WDHD1: variants seen among roughly 807,000 people sequenced by gnomAD.
The protein encoded by WDHD1 is WD repeat and HMG-box DNA binding protein 1.
A neutral mutation model predicts 135.4 loss-of-function variants in WDHD1; 111 were observed. The ratio of observed to expected loss-of-function variants is 0.82; its 90% confidence interval spans 0.70 to 0.96. The LOEUF (loss-of-function observed/expected upper bound fraction) is 0.96. Ranked by LOEUF, WDHD1 falls within the 40% of genes least tolerant of loss-of-function variation. WDHD1 has a pLI of 0.00. For missense variants in WDHD1, 1,351 were observed against 1,336.3 expected, an observed-to-expected ratio of 1.01 and a Z score of -0.17; for synonymous variants, 434 against 439.0, an observed-to-expected ratio of 0.99 and a Z score of 0.14.
At chr14:54,951,031 C>T (rs754045365) in intron 24 of WDHD1, among the ~76,000 whole-genome samples, 9 of 151,756 alleles carry the variant, frequency 5.9e-5, no homozygotes, top group Non-Finnish European at 1.2e-4. Flanking sequence ...ACTAAATGCC[C>T]ACAAGAGAAA....
In WDHD1 at chr14:54,967,374, G is replaced by T. The variant is rs1481699765; in HGVS notation, c.2084C>A (p.Ser695Tyr). The change falls in exon 17 of 26, where the codon TCT becomes TAT. Residue 695 changes from serine (S) to tyrosine (Y), a missense_variant. Transcript: ENST00000360586. Reference protein sequence around the residue: ...QQLRCIPCKGSRFPPTLPRPA... With the variant: ...QQLRCIPCKGYRFPPTLPRPA... ...GCGTGGAAGGGTTGGGGGAAACCGAGAACCTTTACAAGGAATGCACCTGTT... is the reference window on the plus strand; with the variant it reads ...GCGTGGAAGGGTTGGGGGAAACCGATAACCTTTACAAGGAATGCACCTGTT... 1.2e-6 allele frequency: 2 copies of T among 1,610,750 alleles called. No homozygotes were observed. The highest frequency in any genetic ancestry group is 1.7e-5 in the Admixed American group (1 of 59,594).
intron 2 of WDHD1, among the ~76,000 whole-genome samples, chr14:55,025,455 C>T (rs770381901): frequency 3.1e-4 from 47 of 152,266 alleles, no homozygotes; most frequent in Middle Eastern, 3.4e-3. Flanking sequence ...TCTCTCGTTC[C>T]ACCTTACGAG....
At chr14:55,001,673 G>A (rs1379036546) in intron 8 of WDHD1, among the ~76,000 whole-genome samples, 2 of 152,208 alleles carry the variant, frequency 1.3e-5, no homozygotes, top group Non-Finnish European at 2.9e-5. Context: ...ACTAGTAAGT[G>A]AAGTGAACTT....
intron 13 of WDHD1, among the ~76,000 whole-genome samples, chr14:54,988,185 T>C (rs1419702949): frequency 6.6e-6 from 1 of 152,128 alleles, no homozygotes; most frequent in African/African-American, 2.4e-5. Flanking sequence ...AAATATTAAG[T>C]AGAAAAAGCA....
At chr14:54,999,017 C>G (rs2041936847) in intron 10 of WDHD1, among the ~76,000 whole-genome samples, 1 of 152,110 alleles carries the variant, frequency 6.6e-6, no homozygotes, top group Non-Finnish European at 1.5e-5. Context: ...GATCACTGTT[C>G]CTTTCTTTTA....
chr14:54,960,878 C>T (rs2041240683), intron 21 of WDHD1, among the ~76,000 whole-genome samples: 1 of 152,324 alleles, frequency 6.6e-6, no homozygotes. Context: ...TAGCCTACTG[C>T]ACCCTCGAAC....
intron 25 of WDHD1, among the ~76,000 whole-genome samples, chr14:54,942,010 G>A (rs777198934): frequency 3.9e-5 from 6 of 152,034 alleles, no homozygotes; most frequent in Non-Finnish European, 8.8e-5. Flanking sequence ...CAGCACTTTG[G>A]GAGGCCGAGG....
At chr14:54,955,305 A>T (rs1407751413) in intron 24 of WDHD1, among the ~76,000 whole-genome samples, 1 of 152,124 alleles carries the variant, frequency 6.6e-6, no homozygotes, top group Non-Finnish European at 1.5e-5. Flanking sequence ...ACAAAAAATT[A>T]ATTACAAAAT....
chr14:55,004,719 C>T, intron 7 of WDHD1: 1 of 361,532 alleles, frequency 2.8e-6, no homozygotes, highest in Non-Finnish European at 5.4e-6. Flanking sequence ...TCCCAAAGTG[C>T]TGGGATTATG....
At chr14:54,953,563 GCGATT>G (rs1281628970) in intron 24 of WDHD1, among the ~76,000 whole-genome samples, 2 of 152,182 alleles carry the variant, frequency 1.3e-5, no homozygotes, top group African/African-American at 4.8e-5. Flanking sequence ...AGGCGGTGTG[GCGATT>G]CCTCAAGGAT....
chr14:55,001,439 T>G (rs1211616354), intron 8 of WDHD1, among the ~76,000 whole-genome samples: 3 of 152,104 alleles, frequency 2.0e-5, no homozygotes, highest in Non-Finnish European at 4.4e-5. Context: ...TTTTTAGTAT[T>G]TTTTGTAGAG....
At chr14:55,004,545 T>C (rs994812146) in intron 7 of WDHD1, among the ~76,000 whole-genome samples, 4 of 152,140 alleles carry the variant, frequency 2.6e-5, no homozygotes, top group Non-Finnish European at 5.9e-5. Flanking sequence ...CTCCGCCTCC[T>C]GGGTTCAAGC....
intron 10 of WDHD1, among the ~76,000 whole-genome samples, chr14:54,997,859 C>T (rs1054709230): frequency 5.5e-5 from 8 of 145,864 alleles, no homozygotes; most frequent in African/African-American, 1.8e-4. Context: ...TGCAGTGAGC[C>T]GAGATCGCGC....
intron 18 of WDHD1, among the ~76,000 whole-genome samples, chr14:54,965,004 T>C (rs1284015818): frequency 6.6e-6 from 1 of 152,254 alleles, no homozygotes; most frequent in South Asian, 2.1e-4. Flanking sequence ...CTTAAGGCCA[T>C]GTTGCATAAA....
intron 25 of WDHD1, among the ~76,000 whole-genome samples, chr14:54,942,394 T>C (rs1214590233): frequency 6.6e-6 from 1 of 152,190 alleles, no homozygotes; most frequent in Non-Finnish European, 1.5e-5. Flanking sequence ...GGTAACATTT[T>C]GCAAAACTAT....
chr14:54,974,414 C>G (rs745760010), intron 16 of WDHD1, among the ~76,000 whole-genome samples: 113 of 144,886 alleles, frequency 7.8e-4, no homozygotes, highest in Non-Finnish European at 9.0e-4. Flanking sequence ...GTCTGGGCAA[C>G]AGAGAGAGAT....
chr14:55,000,083 C>T (rs1035886573), intron 10 of WDHD1, among the ~76,000 whole-genome samples: 1 of 152,064 alleles, frequency 6.6e-6, no homozygotes, highest in African/African-American at 2.4e-5. Flanking sequence ...GTACATCTGC[C>T]AGGCAGGGTG....
chr14:54,995,286 G>C (rs1485730942), intron 11 of WDHD1, among the ~76,000 whole-genome samples: 2 of 152,064 alleles, frequency 1.3e-5, no homozygotes, highest in African/African-American at 2.4e-5. Context: ...CGGCCTTATT[G>C]ATCTTGTCAA....
chr14:54,980,391 A>T (rs894471970), intron 16 of WDHD1, among the ~76,000 whole-genome samples: 2 of 151,990 alleles, frequency 1.3e-5, no homozygotes, highest in African/African-American at 4.8e-5. Context: ...TATCAACACT[A>T]ATTTCTGAAC....
Sources: gnomAD v4.1 joint callset for allele counts (sites outside exome capture counted in the v4.1 genomes callset) on GRCh38, gnomAD v4.1.1 for gene constraint, MANE v1.5 for transcripts, NCBI Gene and HGNC (gene_info 2026-07-23, HGNC 2026-07-21) for gene names.